Variants in SLIT3 observed in about 807,000 individuals in gnomAD.
SLIT3 encodes slit homolog 3 protein.
SLIT3 carries 68 observed loss-of-function variants against 184.0 expected under a neutral mutation model. The observed-to-expected ratio is 0.37, with a 90% CI of 0.30 to 0.45. The LOEUF (loss-of-function observed/expected upper bound fraction) is 0.45. Ranked by LOEUF, SLIT3 falls within the 20% of genes least tolerant of loss-of-function variation. The pLI, the probability that SLIT3 is intolerant of heterozygous loss-of-function variation, is 1.00. For synonymous variants in SLIT3, 831 were observed against 828.6 expected, an observed-to-expected ratio of 1.00 and a Z score of -0.05; for missense variants, 1,707 against 2,026.0, an observed-to-expected ratio of 0.84 and a Z score of 3.02.
chr5:168,696,439 A>T lies in SLIT3; in HGVS notation c.2943-8T>A. On this transcript the variant is annotated splice_polypyrimidine_tract_variant and splice_region_variant and intron_variant, in intron 27 of 35. Coordinates refer to ENST00000519560, the MANE Select transcript of SLIT3 (RefSeq NM_003062.4). ...CCCAGAGGGCAGGAGCAGCTTTGGG[A>T]TGTGAGGGGTGGAGAGCAGGGGAGT... 1 of 1,613,934 alleles carries T rather than the reference A, an allele frequency of 6.2e-7. No homozygotes were observed. The highest frequency in any genetic ancestry group is 1.1e-5 in the South Asian group (1 of 91,068).
intron 6 of SLIT3, among the ~76,000 whole-genome samples, chr5:168,831,022 C>T (rs1309942114): frequency 6.9e-6 from 1 of 143,892 alleles, no homozygotes; most frequent in African/African-American, 2.6e-5. Context: ...GGAGCAGGGA[C>T]AGCTCAGCAC....
At chr5:169,263,736 G>A in intron 1 of SLIT3, 1 of 503,588 alleles carries the variant, frequency 2.0e-6, no homozygotes, top group Non-Finnish European at 4.0e-6. Context: ...ATCTCGTGCT[G>A]GCTTCTCCCT....
At chr5:169,096,549 T>C (rs898035126) in intron 4 of SLIT3, among the ~76,000 whole-genome samples, 1 of 152,226 alleles carries the variant, frequency 6.6e-6, no homozygotes, top group Non-Finnish European at 1.5e-5. Flanking sequence ...TAAAACTTTA[T>C]TTACAAAATA....
chr5:169,236,186 T>C (rs1765190995), intron 3 of SLIT3, among the ~76,000 whole-genome samples: 1 of 152,226 alleles, frequency 6.6e-6, no homozygotes, highest in African/African-American at 2.4e-5. Context: ...ATAATTATTT[T>C]GTTACTCAAA....
At chr5:169,236,283 T>C (rs1434999688) in intron 3 of SLIT3, among the ~76,000 whole-genome samples, 1 of 152,280 alleles carries the variant, frequency 6.6e-6, no homozygotes, top group East Asian at 1.9e-4. Flanking sequence ...TCACATTTTG[T>C]TTTGAGCACT....
At chr5:169,055,920 GA>G (rs529084498) in intron 4 of SLIT3, among the ~76,000 whole-genome samples, 57 of 152,106 alleles carry the variant, frequency 3.7e-4, no homozygotes, top group Non-Finnish European at 5.4e-4. Context: ...GCCATCATAC[GA>G]AATTAAGAAT....
chr5:168,690,138 C>CTT (rs1341234574), intron 29 of SLIT3, among the ~76,000 whole-genome samples: 10 of 138,130 alleles, frequency 7.2e-5, no homozygotes, highest in East Asian at 2.1e-4. Flanking sequence ...TGTTTTCTTT[C>CTT]TTTTTTTTTT....
At chr5:169,139,749 C>A (rs927392542) in intron 4 of SLIT3, among the ~76,000 whole-genome samples, 2 of 152,198 alleles carry the variant, frequency 1.3e-5, no homozygotes, top group African/African-American at 4.8e-5. Flanking sequence ...GAGACTGAGG[C>A]ACTTCTGGGA....
chr5:169,187,064 A>G (rs1763369119), intron 4 of SLIT3, among the ~76,000 whole-genome samples: 1 of 149,636 alleles, frequency 6.7e-6, no homozygotes, highest in Non-Finnish European at 1.5e-5. Context: ...TGGAGAATAA[A>G]TAAGTCCTCC....
chr5:169,133,736 T>C (rs747614910), intron 4 of SLIT3, among the ~76,000 whole-genome samples: 5 of 152,124 alleles, frequency 3.3e-5, no homozygotes, highest in Non-Finnish European at 1.5e-5. Context: ...TCACTGCAGA[T>C]GACAAGTTGG....
chr5:169,113,436 A>T (rs1760488380), intron 4 of SLIT3, among the ~76,000 whole-genome samples: 1 of 152,132 alleles, frequency 6.6e-6, no homozygotes, highest in African/African-American at 2.4e-5. Flanking sequence ...CTCATTGTCT[A>T]TATTACATTC....
intron 4 of SLIT3, among the ~76,000 whole-genome samples, chr5:169,113,935 T>G (rs912478618): frequency 1.3e-5 from 2 of 152,166 alleles, no homozygotes; most frequent in Non-Finnish European, 2.9e-5. Flanking sequence ...ATTACAAGCA[T>G]AAGCCACTGT....
Position 169,117,966 on chromosome 5 carries a change from G to A in SLIT3, c.413+75513C>T, listed in dbSNP as rs1414780946. Among the ~76,000 whole-genome samples, 5 of 152,288 alleles carry A rather than the reference G, an allele frequency of 3.3e-5. No individual in the cohort carries two copies. In the East Asian group the frequency reaches 7.7e-4, roughly 24 times the overall value. On this transcript the variant is annotated intron_variant, in intron 4 of 35. Transcript: ENST00000519560. Reference sequence around the variant, plus strand: ...GCCCAGCATCACACACTAGGACAATGTTATGGTTGTCACATTCTATGATGT... The same window carrying A: ...GCCCAGCATCACACACTAGGACAATATTATGGTTGTCACATTCTATGATGT...
Position 168,813,298 on chromosome 5 carries a change from C to T in SLIT3, c.793+4002G>A, listed in dbSNP as rs187725638. ...CTAAAATTTAAACCCCCAAATAAAC[C>T]CTTTAGATAAGGATGAAAAAAAAAA... On this transcript the variant is annotated intron_variant, in intron 8 of 35. Coordinates refer to ENST00000519560, the MANE Select transcript of SLIT3 (RefSeq NM_003062.4). 1.7e-4 allele frequency among the ~76,000 whole-genome samples: 25 copies of T among 144,324 alleles called. No individual in the cohort carries two copies. In the East Asian group the frequency reaches 4.7e-3, roughly 27 times the overall value. 94.7% of individuals were successfully genotyped at this position (144,324 alleles called of 152,430 possible). A position where few individuals can be genotyped will look rare whatever the true frequency, so the allele number is the denominator to read the frequency against.
At chr5:168,710,125 G>A (rs1280569374) in intron 25 of SLIT3, 2 of 152,164 alleles carry the variant, frequency 1.3e-5, no homozygotes, top group Non-Finnish European at 2.9e-5. Flanking sequence ...ACCAGAAATG[G>A]ATTAAGTGGC....
intron 4 of SLIT3, among the ~76,000 whole-genome samples, chr5:169,062,356 A>C (rs1581365671): frequency 6.6e-6 from 1 of 152,334 alleles, no homozygotes; most frequent in East Asian, 1.9e-4. Context: ...TGGGTGCCAC[A>C]TGAATGCTAC....
In SLIT3 at chr5:168,671,441, G is replaced by C; in HGVS notation, c.3884C>G (p.Thr1295Arg). 2 of 1,613,400 alleles carry C rather than the reference G, an allele frequency of 1.2e-6. No individual in the cohort carries two copies. Among genetic ancestry groups the C allele is most frequent in the Non-Finnish European group, 1.7e-6 (2 of 1,179,836 alleles). The change falls in exon 34 of 36, where the codon ACG becomes AGG. Residue 1295 changes from threonine (T) to arginine (R), a missense_variant. Thr to Arg is a moderately conservative substitution (Grantham distance 71). Transcript: ENST00000519560. ...GTGGAAGCCGCCTAGAGGCCGGTCC[G>C]TGCCCTGGCGCAAGGCAGAGAGGCC... Reference protein sequence around the residue: ...STGLSALRQGTDRPLGGFHGC... With the variant: ...STGLSALRQGRDRPLGGFHGC...
chr5:168,718,475 G>C (rs145718021), intron 23 of SLIT3, among the ~76,000 whole-genome samples: 2 of 152,208 alleles, frequency 1.3e-5, no homozygotes, highest in African/African-American at 4.8e-5. Context: ...CGCATACAAG[G>C]CATGTGACTT....
intron 1 of SLIT3, among the ~76,000 whole-genome samples, chr5:169,265,016 A>G (rs1377848809): frequency 6.6e-6 from 1 of 152,218 alleles, no homozygotes; most frequent in Non-Finnish European, 1.5e-5. Context: ...TGGGCCAAAC[A>G]GAGGGGCAAC....
Sources: allele counts gnomAD v4.1 joint callset (sites outside exome capture counted in the v4.1 genomes callset), GRCh38; gene constraint gnomAD v4.1.1; transcripts MANE v1.5; gene names NCBI Gene and HGNC (gene_info 2026-07-23, HGNC 2026-07-21).